Variants in NEMP2 observed in about 807,000 individuals in gnomAD.
NEMP2 encodes the protein UPF0571 transmembrane protein.
NEMP2 carries 53 observed loss-of-function variants against 54.2 expected under a neutral mutation model. That is an observed-to-expected ratio of 0.98 (90% CI 0.78 to 1.23). The LOEUF is 1.23. NEMP2 is among the 50% of genes most tolerant of loss of function. The pLI, the probability that NEMP2 is intolerant of heterozygous loss-of-function variation, is 0.00. For synonymous variants in NEMP2, 197 were observed against 190.3 expected, an observed-to-expected ratio of 1.04 and a Z score of -0.29; for missense variants, 455 against 511.3, an observed-to-expected ratio of 0.89 and a Z score of 1.06.
At chr2:190,582,215 A>G in the NEMP2 span, among the ~76,000 whole-genome samples, 1 of 152,330 alleles carries the variant, frequency 6.6e-6, no homozygotes, top group South Asian at 2.1e-4. The surrounding 1 kb of genome is among the most constrained non-coding windows in gnomAD (Gnocchi z 4.6). Flanking sequence ...TAGAGGCTCC[A>G]TTATCTCTAT....
chr2:190,488,922 G>A, the NEMP2 span: 4 of 1,121,914 alleles, frequency 3.6e-6, no homozygotes, highest in South Asian at 7.4e-5. The surrounding 1 kb of genome is among the most constrained non-coding windows in gnomAD (Gnocchi z 6.4). Context: ...ATTGCCCAAA[G>A]CTAAATTCCA....
chr2:190,494,039 A>AG, the NEMP2 span, among the ~76,000 whole-genome samples: 3 of 152,182 alleles, frequency 2.0e-5, no homozygotes, highest in Non-Finnish European at 4.4e-5. The surrounding 1 kb of genome is among the most constrained non-coding windows in gnomAD (Gnocchi z 5.7). Context: ...TGAAGGAAAA[A>AG]AAATACAAAA....
At chr2:190,537,790 G>C (rs1691424672), upstream of NEMP2, among the ~76,000 whole-genome samples, 1 of 152,124 alleles carries the variant, frequency 6.6e-6, no homozygotes, top group Admixed American at 6.5e-5. Flanking sequence ...AAGTCACAAG[G>C]AGCTGAATGT....
the NEMP2 span, among the ~76,000 whole-genome samples, chr2:190,443,476 T>C: frequency 6.6e-6 from 1 of 152,242 alleles, no homozygotes; most frequent in African/African-American, 2.4e-5. This position sits in a 1 kb window ranked among gnomAD's most constrained non-coding sequence, Gnocchi z 4.2. Context: ...TGATATATTA[T>C]GCTGTTTATA....
At chr2:190,584,947 GAAAGAAAGAA>G in the NEMP2 span, among the ~76,000 whole-genome samples, 2 of 129,568 alleles carry the variant, frequency 1.5e-5, no homozygotes, top group African/African-American at 5.5e-5. The surrounding 1 kb of genome is among the most constrained non-coding windows in gnomAD (Gnocchi z 4.2). Flanking sequence ...AAGAAAGAAA[GAAAGAAAGAA>G]AGAAAGAGAC....
Position 190,533,367 on chromosome 2 carries a change from T to A in NEMP2, c.97+1192A>T, listed in dbSNP as rs985290521. On this transcript the variant is annotated intron_variant, in intron 1 of 8. Transcript: ENST00000409150. This position sits in a 1 kb window ranked among gnomAD's most constrained non-coding sequence, Gnocchi z 4.3. ...GTATTTCTTACTACCAAACCTTCGT[T>A]TTCTCATCTGTAAAATGGGTATAAA... Among the ~76,000 whole-genome samples, 1 of 152,206 alleles carries A rather than the reference T, an allele frequency of 6.6e-6. No homozygotes were observed. The highest frequency in any genetic ancestry group is 1.9e-4 in the East Asian group (1 of 5,194).
the NEMP2 span, among the ~76,000 whole-genome samples, chr2:190,468,714 C>T: frequency 6.6e-6 from 1 of 151,560 alleles, no homozygotes; most frequent in African/African-American, 2.4e-5. Flanking sequence ...CTGCCTCAGC[C>T]TCCCAGGGTG....
At chr2:190,476,647 G>A in the NEMP2 span, among the ~76,000 whole-genome samples, 13 of 152,278 alleles carry the variant, frequency 8.5e-5, no homozygotes, top group East Asian at 2.3e-3. Flanking sequence ...TCAGTGTGGC[G>A]ATTCCTCAGG....
At chr2:190,489,838 G>C in the NEMP2 span, 1 of 1,614,142 alleles carries the variant, frequency 6.2e-7, no homozygotes, top group Non-Finnish European at 8.5e-7. This position sits in a 1 kb window ranked among gnomAD's most constrained non-coding sequence, Gnocchi z 6.6. Flanking sequence ...CCCTGATCCA[G>C]TGGCTGGCAG....
At chr2:190,501,637 A>G (rs2125286794), downstream of NEMP2, 1 of 152,684 alleles carries the variant, frequency 6.5e-6, no homozygotes, top group South Asian at 2.1e-4. Context: ...AGACAGGATC[A>G]ATTGTAAAGT....
the NEMP2 span, among the ~76,000 whole-genome samples, chr2:190,644,461 G>T: frequency 6.6e-6 from 1 of 152,190 alleles, no homozygotes; most frequent in Non-Finnish European, 1.5e-5. The surrounding 1 kb of genome is among the most constrained non-coding windows in gnomAD (Gnocchi z 4.4). Context: ...TATATTGTCA[G>T]TGGCATACAT....
At chr2:190,559,350 GGAA>G in the NEMP2 span, among the ~76,000 whole-genome samples, 1 of 152,204 alleles carries the variant, frequency 6.6e-6, no homozygotes, top group African/African-American at 2.4e-5. The surrounding 1 kb of genome is among the most constrained non-coding windows in gnomAD (Gnocchi z 4.0). Flanking sequence ...TTGCAGCTCA[GGAA>G]GAAGGTGTGA....
chr2:190,482,844 GAGAAGAGTTATTA>G, the NEMP2 span, among the ~76,000 whole-genome samples: 121 of 140,690 alleles, frequency 8.6e-4, no homozygotes, highest in African/African-American at 2.9e-3. Flanking sequence ...AGAAAGGGTG[GAGAAGAGTTATTA>G]AGACTATCAT....
the NEMP2 span, among the ~76,000 whole-genome samples, chr2:190,470,715 G>A: frequency 4.6e-5 from 7 of 152,160 alleles, no homozygotes; most frequent in Non-Finnish European, 7.4e-5. Flanking sequence ...TGTAATCAAT[G>A]TGATTAATTG....
At chr2:190,548,939 A>G in the NEMP2 span, among the ~76,000 whole-genome samples, 6 of 152,218 alleles carry the variant, frequency 3.9e-5, no homozygotes, top group Admixed American at 3.9e-4. Flanking sequence ...GTGTTTGTTT[A>G]TAGTTGTATG....
chr2:190,436,729 A>G, the NEMP2 span: 6 of 1,614,232 alleles, frequency 3.7e-6, no homozygotes, highest in Non-Finnish European at 5.1e-6. This position sits in a 1 kb window ranked among gnomAD's most constrained non-coding sequence, Gnocchi z 5.3. Flanking sequence ...AGGTGAAATT[A>G]CTAACCGTAT....
chr2:190,594,569 T>C, the NEMP2 span, among the ~76,000 whole-genome samples: 2 of 152,326 alleles, frequency 1.3e-5, no homozygotes, highest in South Asian at 4.1e-4. The surrounding 1 kb of genome is among the most constrained non-coding windows in gnomAD (Gnocchi z 5.6). Context: ...AAAATATTTA[T>C]ATTTTAATGG....
chr2:190,574,748 TTTTC>T, the NEMP2 span, among the ~76,000 whole-genome samples: 1 of 151,244 alleles, frequency 6.6e-6, no homozygotes, highest in Non-Finnish European at 1.5e-5. Context: ...TCTTCCTTTC[TTTTC>T]TATTTCCTTC....
chr2:190,455,377 T>A, the NEMP2 span, among the ~76,000 whole-genome samples: 1,666 of 152,306 alleles, frequency 0.011, 12 homozygotes, highest in South Asian at 0.06. Flanking sequence ...TGATCACTAC[T>A]TTTTGTGTGT....
Sources: allele counts gnomAD v4.1 joint callset (sites outside exome capture counted in the v4.1 genomes callset), GRCh38; gene constraint gnomAD v4.1.1; non-coding constraint Gnocchi (gnomAD v3.1); transcripts MANE v1.5; gene names NCBI Gene and HGNC (gene_info 2026-07-23, HGNC 2026-07-21).